SCOC: variants seen among roughly 807,000 people sequenced by gnomAD.
SCOC encodes short coiled coil protein.
Under a neutral mutation model 9.9 loss-of-function variants are expected in SCOC, and 7 were observed. The observed-to-expected ratio is 0.71, with a 90% CI of 0.40 to 1.33. The LOEUF (loss-of-function observed/expected upper bound fraction) is 1.33, where lower values mean the gene tolerates loss of function less well. Ranked by LOEUF, SCOC falls within the 40% of genes most tolerant of loss-of-function variation. SCOC has a pLI of 0.01. For missense variants in SCOC, 66 were observed against 89.7 expected, an observed-to-expected ratio of 0.74 and a Z score of 1.07; for synonymous variants, 19 against 28.2, an observed-to-expected ratio of 0.67 and a Z score of 1.03.
intron 1 of SCOC, among the ~76,000 whole-genome samples, chr4:140,310,818 G>A (rs1651452399): frequency 1.3e-5 from 2 of 152,178 alleles, no homozygotes; most frequent in Admixed American, 1.3e-4. Context: ...CTGTCTTGTG[G>A]GTGGCAGTCA....
At chr4:140,288,773 C>A (rs1731378963) in intron 1 of SCOC, among the ~76,000 whole-genome samples, 1 of 151,788 alleles carries the variant, frequency 6.6e-6, no homozygotes, top group Non-Finnish European at 1.5e-5. Context: ...ATGCACATAC[C>A]CCCTACGCAT....
chr4:140,362,224 T>A, intron 2 of SCOC, among the ~76,000 whole-genome samples: 1 of 106,194 alleles, frequency 9.4e-6, no homozygotes, highest in African/African-American at 3.2e-5. Flanking sequence ...TTACTAATTT[T>A]AAGCAATTGT....
At chr4:140,357,369 C>T (rs1164237616) in intron 2 of SCOC, among the ~76,000 whole-genome samples, 4 of 152,194 alleles carry the variant, frequency 2.6e-5, no homozygotes, top group Admixed American at 2.6e-4. Flanking sequence ...TTCATTTCTT[C>T]TCCAGTAAAT....
chr4:140,320,967 C>T (rs560209714), intron 1 of SCOC, among the ~76,000 whole-genome samples: 1 of 152,168 alleles, frequency 6.6e-6, no homozygotes, highest in Non-Finnish European at 1.5e-5. Flanking sequence ...CTCTCCCTCT[C>T]TCTGCCACCA....
intron 1 of SCOC, among the ~76,000 whole-genome samples, chr4:140,327,789 C>T (rs1000767977): frequency 1.3e-5 from 2 of 152,140 alleles, no homozygotes; most frequent in Non-Finnish European, 2.9e-5. Context: ...TGAATTTTTA[C>T]AAGGATGCAG....
intron 2 of SCOC, among the ~76,000 whole-genome samples, chr4:140,351,458 C>T (rs1189926849): frequency 6.6e-6 from 1 of 152,154 alleles, no homozygotes; most frequent in African/African-American, 2.4e-5. Flanking sequence ...TCCTTTATGC[C>T]TCAGCCTCCG....
intron 2 of SCOC, among the ~76,000 whole-genome samples, chr4:140,356,770 C>T (rs1172642840): frequency 1.3e-5 from 2 of 152,002 alleles, no homozygotes; most frequent in Admixed American, 6.6e-5. Flanking sequence ...ACTCATTTTT[C>T]CTTCAGTAAT....
At chr4:140,308,303 C>T (rs1032086670) in intron 1 of SCOC, among the ~76,000 whole-genome samples, 5 of 152,198 alleles carry the variant, frequency 3.3e-5, no homozygotes, top group African/African-American at 1.2e-4. Context: ...ATGAGCAAAA[C>T]ACCTGCTCTG....
chr4:140,282,129 A>T (rs1731113162), intron 1 of SCOC, among the ~76,000 whole-genome samples: 1 of 152,180 alleles, frequency 6.6e-6, no homozygotes, highest in African/African-American at 2.4e-5. Context: ...ACACCAAGCT[A>T]CTTTTGCATT....
chr4:140,308,179 A>G (rs1369479869), intron 1 of SCOC, among the ~76,000 whole-genome samples: 1 of 152,302 alleles, frequency 6.6e-6, no homozygotes, highest in Non-Finnish European at 1.5e-5. Context: ...TTTACAAAAT[A>G]GGCTTGTTGT....
chr4:140,361,368 T>C (rs1191955820), intron 2 of SCOC, among the ~76,000 whole-genome samples: 1 of 152,138 alleles, frequency 6.6e-6, no homozygotes, highest in Non-Finnish European at 1.5e-5. Flanking sequence ...AAAAACTCTA[T>C]TAAACTGTAT....
Position 140,271,712 on chromosome 4 carries a change from G to A in SCOC, c.-19+14302G>A, listed in dbSNP as rs116164359. Among the ~76,000 whole-genome samples, 757 of 152,314 alleles carry A rather than the reference G, an allele frequency of 5.0e-3. 2 individuals carry two copies. Among genetic ancestry groups the A allele is most frequent in the South Asian group, 0.011 (54 of 4,820 alleles). ...AAGAGCATCAAAGCTTTTGGGAAGTGAAACTGACAGCCAGGCTTTCGTTTA... is the reference window on the plus strand; with the variant it reads ...AAGAGCATCAAAGCTTTTGGGAAGTAAAACTGACAGCCAGGCTTTCGTTTA... On this transcript the variant is annotated intron_variant, in intron 1 of 4. Coordinates refer to the SCOC transcript ENST00000394205.
At chr4:140,257,323 C>T (rs372851698) in exon 1 of SCOC, 1 of 152,166 alleles carries the variant, frequency 6.6e-6, no homozygotes, top group Admixed American at 6.5e-5. Context: ...TACGGAGATG[C>T]TCTTGCCTAT....
chr4:140,356,502 C>A (rs1199474460), intron 2 of SCOC, among the ~76,000 whole-genome samples: 1 of 152,124 alleles, frequency 6.6e-6, no homozygotes, highest in Non-Finnish European at 1.5e-5. Flanking sequence ...TGTCATGTCA[C>A]CTTCATCTCC....
chr4:140,287,534 C>A (rs1301167008), intron 1 of SCOC, among the ~76,000 whole-genome samples: 1 of 151,848 alleles, frequency 6.6e-6, no homozygotes, highest in African/African-American at 2.4e-5. Context: ...TATGTACACA[C>A]ACTACACACA....
intron 2 of SCOC, among the ~76,000 whole-genome samples, chr4:140,352,560 T>C (rs188962549): frequency 6.6e-6 from 1 of 152,352 alleles, no homozygotes; most frequent in East Asian, 1.9e-4. Context: ...TTGTAAGTGC[T>C]CTTTCTGCAG....
intron 2 of SCOC, among the ~76,000 whole-genome samples, chr4:140,355,211 T>TTATATATATATATATATATATATA (rs34322076): frequency 1.6e-5 from 1 of 61,424 alleles, no homozygotes. Flanking sequence ...CATTATATTT[T>TTATATATATATATATATATATATA]TATATATATA....
intron 2 of SCOC, among the ~76,000 whole-genome samples, chr4:140,365,526 G>A (rs1727753259): frequency 1.3e-5 from 2 of 152,160 alleles, no homozygotes; most frequent in African/African-American, 4.8e-5. Context: ...TAAGAGAAAT[G>A]AAAAGGAGCA....
chr4:140,287,635 C>G (rs1264278732), intron 1 of SCOC, among the ~76,000 whole-genome samples: 1 of 152,072 alleles, frequency 6.6e-6, no homozygotes, highest in African/African-American at 2.4e-5. Flanking sequence ...TATGCACATG[C>G]CACACAGAGT....
Sources: gnomAD v4.1 joint callset for allele counts (sites outside exome capture counted in the v4.1 genomes callset) on GRCh38, gnomAD v4.1.1 for gene constraint, MANE v1.5 for transcripts, NCBI Gene and HGNC (gene_info 2026-07-23, HGNC 2026-07-21) for gene names.